The following FMNL2 variants were observed in gnomAD, a reference collection of about 807,000 sequenced individuals.
FMNL2 encodes formin like 2.
A neutral mutation model predicts 130.2 loss-of-function variants in FMNL2; 51 were observed. That is an observed-to-expected ratio of 0.39 (90% CI 0.31 to 0.49). FMNL2 has a LOEUF of 0.49. FMNL2 is among the 20% of genes least tolerant of loss of function. FMNL2 has a pLI of 0.85. For synonymous variants in FMNL2, 465 were observed against 467.1 expected (o/e 1.00, Z 0.06); for missense variants, 977 against 1,316.2 (o/e 0.74, Z 3.99).
chr2:152,533,269 C>T (rs887847047), intron 2 of FMNL2, among the ~76,000 whole-genome samples: 1 of 151,960 alleles, frequency 6.6e-6, no homozygotes, highest in Non-Finnish European at 1.5e-5. Context: ...GTACTTTTTC[C>T]TCATCTGTCT....
intron 9 of FMNL2, among the ~76,000 whole-genome samples, chr2:152,596,296 G>A (rs547067308): frequency 3.2e-4 from 49 of 152,032 alleles, no homozygotes; most frequent in Non-Finnish European, 5.6e-4. Flanking sequence ...ATGGTGGAGG[G>A]CTCCTTTCTA....
intron 2 of FMNL2, among the ~76,000 whole-genome samples, chr2:152,529,087 C>T (rs997678509): frequency 8.5e-5 from 13 of 152,118 alleles, no homozygotes; most frequent in African/African-American, 2.9e-4. Flanking sequence ...GTCTCTGCCA[C>T]GATTACCAAT....
intron 1 of FMNL2, among the ~76,000 whole-genome samples, chr2:152,412,857 C>T (rs1686398825): frequency 6.6e-6 from 1 of 151,964 alleles, no homozygotes; most frequent in Non-Finnish European, 1.5e-5. Flanking sequence ...TTTTCTTAAC[C>T]AAGTAGTCAA....
intron 3 of FMNL2, among the ~76,000 whole-genome samples, chr2:152,546,781 C>T (rs1407125916): frequency 6.6e-6 from 1 of 152,064 alleles, no homozygotes; most frequent in Non-Finnish European, 1.5e-5. Flanking sequence ...ACCAGAGACC[C>T]TAGAATTTTT....
chr2:152,488,011 CT>C, intron 1 of FMNL2, among the ~76,000 whole-genome samples: 1 of 152,062 alleles, frequency 6.6e-6, no homozygotes, highest in South Asian at 2.1e-4. Flanking sequence ...AACTCCTGAC[CT>C]CAAGTGATAC....
intron 1 of FMNL2, among the ~76,000 whole-genome samples, chr2:152,452,504 G>C (rs1209121963): frequency 6.7e-6 from 1 of 148,518 alleles, no homozygotes; most frequent in Non-Finnish European, 1.5e-5. Flanking sequence ...TGGCAAAGGC[G>C]AATCAATGTG....
At chr2:152,540,094 A>AT (rs568945026) in intron 2 of FMNL2, among the ~76,000 whole-genome samples, 33 of 152,088 alleles carry the variant, frequency 2.2e-4, no homozygotes, top group African/African-American at 5.5e-4. Context: ...TCTCAAAAAA[A>AT]TTTTTTTTGA....
chr2:152,426,029 AG>A (rs1687183914), intron 1 of FMNL2, among the ~76,000 whole-genome samples: 1 of 152,238 alleles, frequency 6.6e-6, no homozygotes, highest in South Asian at 2.1e-4. Flanking sequence ...GATTTATGGT[AG>A]GGATAAATCA....
At chr2:152,468,048 C>G (rs1199624498) in intron 1 of FMNL2, among the ~76,000 whole-genome samples, 1 of 152,210 alleles carries the variant, frequency 6.6e-6, no homozygotes, top group African/African-American at 2.4e-5. Flanking sequence ...AATCACTGCT[C>G]CTAAGTTGCT....
chr2:152,530,876 TTTC>T (rs778743605), intron 2 of FMNL2, among the ~76,000 whole-genome samples: 1 of 152,220 alleles, frequency 6.6e-6, no homozygotes, highest in Non-Finnish European at 1.5e-5. Flanking sequence ...TTGGTTTAAA[TTTC>T]TAATGATACT....
At chr2:152,366,257 G>C (rs1683527389) in intron 1 of FMNL2, among the ~76,000 whole-genome samples, 1 of 134,504 alleles carries the variant, frequency 7.4e-6, no homozygotes, top group Non-Finnish European at 1.5e-5. Flanking sequence ...GTGGACACAG[G>C]AAGGGGAACA....
chr2:152,474,806 C>T (rs1690058394), intron 1 of FMNL2, among the ~76,000 whole-genome samples: 1 of 152,200 alleles, frequency 6.6e-6, no homozygotes, highest in Admixed American at 6.5e-5. Context: ...CCTATGGAGC[C>T]ATGGAGCTTT....
chr2:152,403,543 T>C (rs1035436358), intron 1 of FMNL2, among the ~76,000 whole-genome samples: 4 of 152,226 alleles, frequency 2.6e-5, no homozygotes, highest in Non-Finnish European at 5.9e-5. Context: ...TGTGTCCCTT[T>C]CTTGGCATAC....
chr2:152,579,015 G>T, intron 8 of FMNL2, 51 bp downstream of exon 8: 2 of 1,463,102 alleles, frequency 1.4e-6, no homozygotes. Flanking sequence ...AGAAAACAGA[G>T]GGCTAGTCAA....
At chr2:152,426,574 C>T (rs921077694) in intron 1 of FMNL2, among the ~76,000 whole-genome samples, 2 of 152,180 alleles carry the variant, frequency 1.3e-5, no homozygotes, top group Non-Finnish European at 2.9e-5. Context: ...TTCTTTTGAT[C>T]ATCAGTGCAG....
chr2:152,615,843 T>C (rs1353232488), intron 12 of FMNL2, among the ~76,000 whole-genome samples: 1 of 152,208 alleles, frequency 6.6e-6, no homozygotes, highest in East Asian at 1.9e-4. Flanking sequence ...TTTCTCCACA[T>C]GTTTTTTAAA....
chr2:152,436,751 A>G (rs1035631464), intron 1 of FMNL2, among the ~76,000 whole-genome samples: 13 of 152,120 alleles, frequency 8.5e-5, no homozygotes, highest in East Asian at 1.9e-4. Flanking sequence ...CTAGTAATTG[A>G]TAGAAATGGC....
At chr2:152,504,130 G>A (rs1292206742) in intron 1 of FMNL2, among the ~76,000 whole-genome samples, 4 of 152,220 alleles carry the variant, frequency 2.6e-5, no homozygotes. Flanking sequence ...GGCGGAGGTT[G>A]CAGCAAGCCA....
intron 1 of FMNL2, among the ~76,000 whole-genome samples, chr2:152,386,609 G>A (rs1684797460): frequency 6.6e-6 from 1 of 152,074 alleles, no homozygotes; most frequent in African/African-American, 2.4e-5. Context: ...CACCTTATAT[G>A]TGTCTATCTG....
Sources: gnomAD v4.1 joint callset for allele counts (sites outside exome capture counted in the v4.1 genomes callset) on GRCh38, gnomAD v4.1.1 for gene constraint, MANE v1.5 for transcripts, NCBI Gene and HGNC (gene_info 2026-07-23, HGNC 2026-07-21) for gene names.